ROBO2: variants seen among roughly 807,000 people sequenced by gnomAD.
ROBO2 encodes roundabout guidance receptor 2.
In ROBO2, 53 loss-of-function variants were observed where a neutral mutation model predicts 160.8. That is an observed-to-expected ratio of 0.33 (90% CI 0.26 to 0.41). The LOEUF (loss-of-function observed/expected upper bound fraction) is 0.41, where lower values mean the gene tolerates loss of function less well. Among genes scored for constraint, ROBO2 ranks in the 10% least tolerant of loss-of-function variants. The probability of loss-of-function intolerance (pLI) is 1.00; values close to 1 mark genes in which losing one functional copy is unlikely to be tolerated. For synonymous variants in ROBO2, 664 were observed against 611.7 expected, an observed-to-expected ratio of 1.09 and a Z score of -1.26; for missense variants, 1,577 against 1,722.4, an observed-to-expected ratio of 0.92 and a Z score of 1.49.
At chr3:76,387,789 G>A (rs942278548) in intron 2 of ROBO2, among the ~76,000 whole-genome samples, 1 of 152,176 alleles carries the variant, frequency 6.6e-6, no homozygotes, top group Admixed American at 6.6e-5. Flanking sequence ...AGGTTTTGGA[G>A]ATGACAAATG....
At position 76,558,309 on chromosome 3, in the gene ROBO2, T is replaced by G. The variant is rs533348685; in HGVS notation, c.110-539705T>G. Among the ~76,000 whole-genome samples the G allele has an allele frequency of 3.9e-5, 6 of 152,090 alleles. No individual in the cohort carries two copies. The East Asian group carries it at 1.2e-3, about 29-fold the overall frequency. Reference sequence around the variant, plus strand: ...TAATTTATTCCAAGAGGCATGAAAATATTCAAGTACTATTCAGATAATTTT... The same window carrying G: ...TAATTTATTCCAAGAGGCATGAAAAGATTCAAGTACTATTCAGATAATTTT... On this transcript the variant is annotated intron_variant, in intron 2 of 26. Transcript: ENST00000487694.
At chr3:76,030,583 A>G (rs1357389734) in intron 2 of ROBO2, among the ~76,000 whole-genome samples, 1 of 152,176 alleles carries the variant, frequency 6.6e-6, no homozygotes, top group East Asian at 1.9e-4. Context: ...CTTTCTACAT[A>G]TGGCTAGCCA....
chr3:76,357,072 G>T (rs2075214637), intron 2 of ROBO2, among the ~76,000 whole-genome samples: 1 of 151,622 alleles, frequency 6.6e-6, no homozygotes, highest in Non-Finnish European at 1.5e-5. Context: ...AGAAATGAAA[G>T]AATTCTGAAA....
chr3:77,499,380 C>A (rs540431488), intron 5 of ROBO2, among the ~76,000 whole-genome samples: 96 of 152,172 alleles, frequency 6.3e-4, no homozygotes, highest in Non-Finnish European at 1.2e-3. Context: ...ATTATGCCAT[C>A]CATTCTAACT....
chr3:76,113,509 A>G (rs1479641637), intron 2 of ROBO2, among the ~76,000 whole-genome samples: 5 of 152,140 alleles, frequency 3.3e-5, no homozygotes, highest in Non-Finnish European at 5.9e-5. Context: ...AGCCCATTAC[A>G]TATATCTCAT....
At position 76,694,726 on chromosome 3, in the gene ROBO2, A is replaced by T. The variant is rs1421452832; in HGVS notation, c.110-403288A>T. 2.0e-5 allele frequency among the ~76,000 whole-genome samples: 3 copies of T among 152,328 alleles called. No homozygotes were observed. In the East Asian group the frequency reaches 5.8e-4, roughly 29 times the overall value. ...ATGCAAAGTATATGGTGCTATGGGAAATCACCCTTTTATGAAGCAGAGGAA... is the reference window on the plus strand; with the variant it reads ...ATGCAAAGTATATGGTGCTATGGGATATCACCCTTTTATGAAGCAGAGGAA... On this transcript the variant is annotated intron_variant, in intron 2 of 26. Coordinates refer to the ROBO2 transcript ENST00000487694.
At chr3:77,579,844 G>T in intron 15 of ROBO2, 103 bp from the exon 17 acceptor site, 1 of 1,084,134 alleles carries the variant, frequency 9.2e-7, no homozygotes, top group Non-Finnish European at 1.4e-6. Context: ...AAGCCTAGAA[G>T]ATAGACAGGT....
intron 2 of ROBO2, among the ~76,000 whole-genome samples, chr3:76,941,156 T>A (rs2078159874): frequency 6.6e-6 from 1 of 151,118 alleles, no homozygotes; most frequent in African/African-American, 2.5e-5. Flanking sequence ...AGGTTTCAAA[T>A]GATTGCATTT....
At chr3:77,428,337 A>ATTTTTTTTTTTTTTTTTTTTTT (rs1491236295) in intron 2 of ROBO2, among the ~76,000 whole-genome samples, 1 of 128,224 alleles carries the variant, frequency 7.8e-6, no homozygotes. Context: ...AACTTAGGTA[A>ATTTTTTTTTTTTTTTTTTTTTT]TATTTTTTTT....
At chr3:77,256,908 C>T (rs546097409) in intron 2 of ROBO2, among the ~76,000 whole-genome samples, 2 of 152,168 alleles carry the variant, frequency 1.3e-5, no homozygotes, top group Non-Finnish European at 2.9e-5. Context: ...CTAATGAAAG[C>T]CCTCATTGCA....
intron 2 of ROBO2, among the ~76,000 whole-genome samples, chr3:76,148,195 G>A (rs1300942472): frequency 2.0e-5 from 3 of 151,890 alleles, no homozygotes; most frequent in Non-Finnish European, 4.4e-5. Context: ...TGAGAGGATG[G>A]AAGGAATCCA....
chr3:76,915,442 CTG>C (rs2076241493), intron 2 of ROBO2, among the ~76,000 whole-genome samples: 1 of 152,028 alleles, frequency 6.6e-6, no homozygotes, highest in Non-Finnish European at 1.5e-5. Flanking sequence ...GGGTGGATCA[CTG>C]GAGGTCAGGA....
intron 2 of ROBO2, among the ~76,000 whole-genome samples, chr3:77,411,678 A>G (rs1205097814): frequency 2.0e-5 from 3 of 152,236 alleles, no homozygotes; most frequent in African/African-American, 7.2e-5. Context: ...GAATATATAC[A>G]CATGTATATG....
intron 2 of ROBO2, among the ~76,000 whole-genome samples, chr3:76,266,743 T>C (rs1707124092): frequency 6.6e-6 from 1 of 152,146 alleles, no homozygotes; most frequent in Non-Finnish European, 1.5e-5. Context: ...TGAGTTATCT[T>C]AAACAGTGAA....
chr3:76,386,951 G>A (rs1038158263), intron 2 of ROBO2, among the ~76,000 whole-genome samples: 1 of 152,148 alleles, frequency 6.6e-6, no homozygotes, highest in African/African-American at 2.4e-5. Context: ...GTGGGAGGGA[G>A]ACTCAGTCTA....
At chr3:76,444,851 C>T (rs2077092800) in intron 2 of ROBO2, among the ~76,000 whole-genome samples, 1 of 152,204 alleles carries the variant, frequency 6.6e-6, no homozygotes, top group East Asian at 1.9e-4. Flanking sequence ...ATATGGGGAA[C>T]ATTTACAATG....
At chr3:77,054,512 AGTGT>A (rs1325985447) in intron 1 of ROBO2, among the ~76,000 whole-genome samples, 1 of 152,142 alleles carries the variant, frequency 6.6e-6, no homozygotes, top group Non-Finnish European at 1.5e-5. Flanking sequence ...CTTCAGATGA[AGTGT>A]GTCGCATTTA....
At chr3:77,366,798 A>G (rs993523236) in intron 2 of ROBO2, among the ~76,000 whole-genome samples, 2 of 151,866 alleles carry the variant, frequency 1.3e-5, no homozygotes, top group Non-Finnish European at 2.9e-5. Context: ...AGAGAGAGAT[A>G]CAGAGAGATA....
At chr3:76,732,438 C>T (rs73844009) in intron 2 of ROBO2, among the ~76,000 whole-genome samples, 2,280 of 152,166 alleles carry the variant, frequency 0.015, 53 homozygotes, top group African/African-American at 0.051. Context: ...AGAAAGATAA[C>T]TGTTGCTGAT....
Sources: gnomAD v4.1 joint callset for allele counts (sites outside exome capture counted in the v4.1 genomes callset) on GRCh38, gnomAD v4.1.1 for gene constraint, MANE v1.5 for transcripts, NCBI Gene and HGNC (gene_info 2026-07-23, HGNC 2026-07-21) for gene names.